ZNF726: variants seen among roughly 807,000 people sequenced by gnomAD.
ZNF726 encodes zinc finger protein 726.
Under a neutral mutation model 11.6 loss-of-function variants are expected in ZNF726, and 15 were observed. The ratio of observed to expected loss-of-function variants is 1.29; its 90% confidence interval spans 0.86 to 1.99. ZNF726 has a LOEUF of 1.99. Ranked by LOEUF, ZNF726 falls within the 30% of genes most tolerant of loss-of-function variation. ZNF726 has a pLI of 0.00. For missense variants in ZNF726, 890 were observed against 725.6 expected (o/e 1.23, Z -2.60); for synonymous variants, 295 against 243.6 (o/e 1.21, Z -1.96).
chr19:23,915,466 C>G (rs62114215), intron 1 of ZNF726, among the ~76,000 whole-genome samples: 36,567 of 152,138 alleles, frequency 0.24, 5,207 homozygotes, highest in African/African-American at 0.4. Flanking sequence ...GCTGTGGTTT[C>G]TAATTTGTAT....
chr19:23,943,884 G>T (rs2145008510), intron 4 of ZNF726: 3 of 212,978 alleles, frequency 1.4e-5, no homozygotes, highest in Middle Eastern at 3.3e-3. Context: ...TTGCTTCGGG[G>T]GAATATAAAA....
At chr19:23,944,304 T>C (rs1248719878) in intron 4 of ZNF726, 2 of 152,214 alleles carry the variant, frequency 1.3e-5, no homozygotes, top group African/African-American at 2.4e-5. Context: ...ATTGTGAGCA[T>C]GCAATAAACA....
chr19:23,937,667 A>G (rs1360369409), downstream of ZNF726, among the ~76,000 whole-genome samples: 1 of 144,818 alleles, frequency 6.9e-6, no homozygotes, highest in Non-Finnish European at 1.5e-5. Flanking sequence ...CAGACTGGGC[A>G]GCCAGGCAGA....
At chr19:23,927,312 AT>A (rs1248830887) in intron 3 of ZNF726, among the ~76,000 whole-genome samples, 1 of 152,206 alleles carries the variant, frequency 6.6e-6, no homozygotes, top group Admixed American at 6.5e-5. Context: ...TTGTATTGAC[AT>A]TTTGAAAAAT....
chr19:23,924,995 A>G (rs1371120315), intron 3 of ZNF726, among the ~76,000 whole-genome samples: 2 of 152,216 alleles, frequency 1.3e-5, no homozygotes, highest in Non-Finnish European at 2.9e-5. Context: ...CTCAATATCC[A>G]TTAAATAACA....
At chr19:23,922,360 C>A (rs114764718) in intron 3 of ZNF726, among the ~76,000 whole-genome samples, 1 of 152,182 alleles carries the variant, frequency 6.6e-6, no homozygotes, top group South Asian at 2.1e-4. Flanking sequence ...TGAACTGTGG[C>A]TCAGGGAGCT....
rs1171651158 is a variant in ZNF726, at chr19:23,934,429, C to A, written c.*462C>A. 4 of 447,734 alleles carry A rather than the reference C, an allele frequency of 8.9e-6. No individual in the cohort carries two copies. The highest frequency in any genetic ancestry group is 1.7e-5 in the South Asian group (1 of 58,494). The allele number at this position is 447,734 out of a possible 1,614,324, so 27.7% of individuals were successfully genotyped here. A position where few individuals can be genotyped will look rare whatever the true frequency, so the allele number is the denominator to read the frequency against. On this transcript the variant is annotated 3_prime_UTR_variant, in exon 4 of 4. Transcript: ENST00000594466. ...TCAAAGCCTTTAAGCAGTCTTCAAT[C>A]CTGAGTAACCATAAGATAATTCAAA...
rs1968153922 is a variant in ZNF726, at chr19:23,933,187, T to C, written c.1071T>C (p.Thr357=). ...AKAFSQFGHL[T]THRIIHTGEK... ...CTTTTAGCCAATTCGGACACCTTACTACACATAGGATAATTCATACTGGAG... is the reference window on the plus strand; with the variant it reads ...CTTTTAGCCAATTCGGACACCTTACCACACATAGGATAATTCATACTGGAG... The change falls in exon 4 of 4, where the codon ACT becomes ACC. Residue 357 remains threonine (T), a synonymous_variant. Transcript: ENST00000594466. The C allele has an allele frequency of 6.2e-7, 1 of 1,600,456 alleles. No homozygotes were observed. The highest frequency in any genetic ancestry group is 1.4e-5 in the African/African-American group (1 of 73,786).
chr19:23,943,718 T>C lies in ZNF726; in HGVS notation c.322+129T>C, dbSNP rs150031604. ...AGATTTCCTAAAAAGCCTTTTTTTT[T>C]CCTCTAGCTCTGAAGTAGGAGCATT... On this transcript the variant is annotated intron_variant, in intron 4 of 4. Coordinates refer to the ZNF726 transcript ENST00000334589. The C allele has an allele frequency of 1.4e-3, 628 of 451,410 alleles. 4 individuals carry two copies. Among genetic ancestry groups the C allele is most frequent in the Admixed American group, 6.7e-3 (204 of 30,556 alleles). 28.0% of individuals were successfully genotyped at this position (451,410 alleles called of 1,614,324 possible). A position where few individuals can be genotyped will look rare whatever the true frequency, so the allele number is the denominator to read the frequency against.
At chr19:23,923,378 A>G in intron 3 of ZNF726, 1 of 410,504 alleles carries the variant, frequency 2.4e-6, no homozygotes, top group South Asian at 1.7e-5. Flanking sequence ...ATTTTCTCTG[A>G]AATTTTATTG....
At chr19:23,935,721 G>A (rs952430505), downstream of ZNF726, 4 of 237,408 alleles carry the variant, frequency 1.7e-5, no homozygotes, top group African/African-American at 9.1e-5. Context: ...GAACAATGTG[G>A]CCAAGCTTCT....
downstream of ZNF726, among the ~76,000 whole-genome samples, chr19:23,937,115 G>A (rs916089590): frequency 6.6e-6 from 1 of 150,450 alleles, no homozygotes; most frequent in African/African-American, 2.4e-5. Flanking sequence ...CTCCCGGCCG[G>A]GGCGGCTGGC....
intron 3 of ZNF726, among the ~76,000 whole-genome samples, chr19:23,943,261 A>G (rs575647787): frequency 6.6e-6 from 1 of 152,364 alleles, no homozygotes; most frequent in South Asian, 2.1e-4. Flanking sequence ...ATTGTTGCCC[A>G]CATATTAAAA....
At chr19:23,943,635 A>G (rs1968373004) in intron 4 of ZNF726, 1 of 549,764 alleles carries the variant, frequency 1.8e-6, no homozygotes, top group Non-Finnish European at 3.4e-6. Flanking sequence ...ACAGGTTCAA[A>G]GGTCAAAAAG....
intron 3 of ZNF726, among the ~76,000 whole-genome samples, chr19:23,941,513 C>T (rs1968338338): frequency 6.6e-6 from 1 of 152,066 alleles, no homozygotes; most frequent in Non-Finnish European, 1.5e-5. Flanking sequence ...AGGGAGGGTT[C>T]CTTCTTTCCC....
Position 23,933,823 on chromosome 19 carries a change from ATG to A in ZNF726, c.1710_1711del (p.Cys570TrpfsTer5). On this transcript the variant is annotated frameshift_variant, in exon 4 of 4. Coordinates refer to ENST00000594466, the MANE Select transcript of ZNF726 (RefSeq NM_001244038.2). LOFTEE classifies it low-confidence loss of function (END_TRUNC). The stretch of plus-strand genomic sequence containing the variant: ...GAGAGAAACCTTACAAGTGTGAAGA[ATG>A]TGGAAAAGCGTTTAATCGATCCTCA... ...TGEKPYKCEE[C>X]GKAFNRSSNL... 6.2e-7 allele frequency: 1 copy of A among 1,603,988 alleles called. No individual in the cohort carries two copies. Among genetic ancestry groups the A allele is most frequent in the Non-Finnish European group, 8.5e-7 (1 of 1,175,548 alleles).
chr19:23,937,265 G>A (rs1210646716), downstream of ZNF726, among the ~76,000 whole-genome samples: 3 of 151,696 alleles, frequency 2.0e-5, no homozygotes, highest in Admixed American at 6.5e-5. Context: ...CAGCCGGGGC[G>A]GCTGGCCGGG....
rs146496485 is a variant in ZNF726 at position 23,927,464 on chromosome 19, T to A, written c.227-4879T>A. Among the ~76,000 whole-genome samples the A allele has an allele frequency of 3.4e-4, 51 of 152,200 alleles. No individual in the cohort carries two copies. The East Asian group carries it at 8.9e-3, about 27-fold the overall frequency. ...AACACAAAGTGTGTAATTTTGGTCTTCTTAAATTTATTTGTTATTGTTGTG... is the reference window on the plus strand; with the variant it reads ...AACACAAAGTGTGTAATTTTGGTCTACTTAAATTTATTTGTTATTGTTGTG... On this transcript the variant is annotated intron_variant, in intron 3 of 3. Coordinates refer to ENST00000594466, the MANE Select transcript of ZNF726 (RefSeq NM_001244038.2).
At position 23,933,192 on chromosome 19, in the gene ZNF726, A is replaced by T. The variant is rs756008736; in HGVS notation, c.1076A>T (p.His359Leu). ...AFSQFGHLTT[H>L]RIIHTGEKPY... ...AGCCAATTCGGACACCTTACTACAC[A>T]TAGGATAATTCATACTGGAGAGAAA... The change falls in exon 4 of 4, where the codon CAT becomes CTT. Residue 359 changes from histidine (H) to leucine (L), a missense_variant. Physicochemically the swap from His to Leu is moderately conservative, Grantham distance 99 (BLOSUM62 -3). Coordinates refer to ENST00000594466, the MANE Select transcript of ZNF726 (RefSeq NM_001244038.2). 62 of 1,602,054 alleles carry T rather than the reference A, an allele frequency of 3.9e-5. 2 individuals carry two copies. The South Asian group carries it at 6.9e-4, about 18-fold the overall frequency.
Sources: gnomAD v4.1 joint callset for allele counts (sites outside exome capture counted in the v4.1 genomes callset) on GRCh38, gnomAD v4.1.1 for gene constraint, MANE v1.5 for transcripts, NCBI Gene and HGNC (gene_info 2026-07-23, HGNC 2026-07-21) for gene names.